STARD4: variants seen among roughly 807,000 people sequenced by gnomAD.
STARD4 encodes the protein stAR-related lipid transfer protein 4.
STARD4 carries 33 observed loss-of-function variants against 24.9 expected under a neutral mutation model. The observed-to-expected ratio is 1.32, with a 90% CI of 1.00 to 1.77. The LOEUF (loss-of-function observed/expected upper bound fraction) is 1.77. STARD4 is among the 40% of genes most tolerant of loss of function. STARD4 has a pLI of 0.00. For missense variants in STARD4, 238 were observed against 249.3 expected, an observed-to-expected ratio of 0.95 and a Z score of 0.31; for synonymous variants, 88 against 77.4, an observed-to-expected ratio of 1.14 and a Z score of -0.72.
At chr5:111,503,530 G>A (rs1005357477) in intron 3 of STARD4, among the ~76,000 whole-genome samples, 5 of 152,172 alleles carry the variant, frequency 3.3e-5, no homozygotes, top group African/African-American at 1.2e-4. Flanking sequence ...TTCGGAGGCT[G>A]AGGCAGGAGA....
rs1323611291 is a variant in STARD4, at chr5:111,507,748, G to C, written c.-9-306C>G. Among the ~76,000 whole-genome samples, 2 of 152,056 alleles carry C rather than the reference G, an allele frequency of 1.3e-5. No individual in the cohort carries two copies. Among genetic ancestry groups the C allele is most frequent in the Non-Finnish European group, 2.9e-5 (2 of 67,974 alleles). On this transcript the variant is annotated intron_variant, in intron 1 of 5. Coordinates refer to ENST00000296632, the MANE Select transcript of STARD4 (RefSeq NM_139164.3). This position sits in a 1 kb window ranked among gnomAD's most constrained non-coding sequence, Gnocchi z 4.4. ...GGGAAGCAATTGTATCTCATATATA[G>C]ATATGCTGTTAACTCTCAAACATTT...
At position 111,507,477 on chromosome 5, in the gene STARD4, C is replaced by T. The variant is rs760370754; in HGVS notation, c.-9-35G>A. ...AGACCAAGATTAGCATCAGCAAATA[C>T]CACAGTTTGAGGCAATAGGCCAGTG... On this transcript the variant is annotated intron_variant, in intron 1 of 5. Coordinates refer to ENST00000296632, the MANE Select transcript of STARD4 (RefSeq NM_139164.3). The surrounding 1 kb of genome is among the most constrained non-coding windows in gnomAD (Gnocchi z 4.4). 1 of 1,561,698 alleles carries T rather than the reference C, an allele frequency of 6.4e-7. No individual in the cohort carries two copies. Among genetic ancestry groups the T allele is most frequent in the Non-Finnish European group, 8.8e-7 (1 of 1,139,802 alleles).
At position 111,501,116 on chromosome 5, in the gene STARD4, T is replaced by G. The variant is rs1463499415; in HGVS notation, c.283A>C (p.Asn95His). ...SLDILENFEE[N>H]CCVMRYTTAG... ...GTAGTGTAACGCATCACACAGCAAT[T>G]CTGAAAAAGAAGAGATAAGACAAGT... is the stretch of plus-strand genomic sequence containing the variant. Residue 95 changes from asparagine to histidine, a missense_variant and splice_region_variant, in exon 5 of 6, where the codon AAT (asparagine) becomes CAT (histidine). Physicochemically the swap from Asn to His is moderately conservative, Grantham distance 68 (BLOSUM62 1). Coordinates refer to ENST00000296632, the MANE Select transcript of STARD4 (RefSeq NM_139164.3). The G allele has an allele frequency of 6.3e-7, 1 of 1,587,660 alleles. No individual in the cohort carries two copies. Among genetic ancestry groups the G allele is most frequent in the East Asian group, 2.2e-5 (1 of 44,608 alleles).
intron 1 of STARD4, among the ~76,000 whole-genome samples, chr5:111,508,684 C>T (rs377617468): frequency 5.3e-5 from 8 of 152,052 alleles, no homozygotes; most frequent in South Asian, 2.1e-4. Context: ...TACTAGTTGT[C>T]GCTGCTTTTA....
At position 111,501,965 on chromosome 5, in the gene STARD4, T is replaced by G; in HGVS notation, c.279A>C (p.Glu93Asp). 6.2e-7 allele frequency: 1 copy of G among 1,614,040 alleles called. No individual in the cohort carries two copies. Among genetic ancestry groups the G allele is most frequent in the South Asian group, 1.1e-5 (1 of 91,076 alleles). Residue 93 changes from glutamate (E) to aspartate (D), a missense_variant, in exon 4 of 6, where the codon GAA becomes GAC. Physicochemically the swap from Glu to Asp is conservative, Grantham distance 45. Coordinates refer to ENST00000296632, the MANE Select transcript of STARD4 (RefSeq NM_139164.3). ...MTSLDILENF[E>D]ENCCVMRYTT... ...AGTAATGTTTCTAAATAGATACCTC[T>G]TCAAAGTTCTCCAGAATATCCAAAG...
chr5:111,508,711 G>A (rs1428401959), intron 1 of STARD4, among the ~76,000 whole-genome samples: 1 of 152,100 alleles, frequency 6.6e-6, no homozygotes, highest in Non-Finnish European at 1.5e-5. Flanking sequence ...AGATTTTAGG[G>A]CCCAGTGCCA....
intron 3 of STARD4, among the ~76,000 whole-genome samples, chr5:111,502,970 C>T (rs779893097): frequency 9.2e-5 from 14 of 152,124 alleles, no homozygotes; most frequent in Non-Finnish European, 1.8e-4. Context: ...AATAAAGTCC[C>T]TTCATGTAAT....
Position 111,498,096 on chromosome 5 carries a change from T to G in STARD4, c.*1790A>C, listed in dbSNP as rs1190786447. ...TGTAAATTATATATCAATAAAGCTG[T>G]TTTTGTTTTTTTAAAGTACACAGCT... On this transcript the variant is annotated 3_prime_UTR_variant, in exon 6 of 6. Transcript: ENST00000296632. 1.3e-5 allele frequency: 2 copies of G among 152,060 alleles called. No homozygotes were observed. The highest frequency in any genetic ancestry group is 4.8e-5 in the African/African-American group (2 of 41,506). The allele number at this position is 152,060 out of a possible 1,614,324, so 9.4% of individuals were successfully genotyped here.
At chr5:111,506,459 T>C (rs1481751372) in intron 2 of STARD4, 80 bp from the exon 3 acceptor site, 8 of 592,342 alleles carry the variant, frequency 1.4e-5, no homozygotes, top group African/African-American at 1.9e-5. Context: ...TATAAGTCTA[T>C]AGAATTTGTC....
chr5:111,509,490 G>A (rs1489605885), intron 1 of STARD4, among the ~76,000 whole-genome samples: 1 of 152,034 alleles, frequency 6.6e-6, no homozygotes, highest in Non-Finnish European at 1.5e-5. Context: ...ATAGCTTACA[G>A]GCCCTTTTAT....
chr5:111,511,411 C>T (rs1757266694), intron 1 of STARD4, among the ~76,000 whole-genome samples: 1 of 152,174 alleles, frequency 6.6e-6, no homozygotes, highest in African/African-American at 2.4e-5. Flanking sequence ...TTAATCCTCA[C>T]AACAGTAATA....
chr5:111,499,076 A>AT lies in STARD4; in HGVS notation c.*809dup, dbSNP rs1756255346. On this transcript the variant is annotated 3_prime_UTR_variant, in exon 6 of 6. Transcript: ENST00000296632. ...CAACTAACATTAAACACGGAAATGG[A>AT]TTTCGAGATGTGTGCATGTACACAA... 1 of 152,224 alleles carries AT rather than the reference A, an allele frequency of 6.6e-6. No individual in the cohort carries two copies. Among genetic ancestry groups the AT allele is most frequent in the South Asian group, 2.1e-4 (1 of 4,834 alleles). The allele number at this position is 152,224 out of a possible 1,614,324, so 9.4% of individuals were successfully genotyped here.
chr5:111,503,365 T>C (rs1415562475), intron 3 of STARD4, among the ~76,000 whole-genome samples: 1 of 152,192 alleles, frequency 6.6e-6, no homozygotes, highest in Admixed American at 6.5e-5. Flanking sequence ...GCGCGGTGGC[T>C]CATGCCTGTA....
rs985783196 is a variant in STARD4, at chr5:111,497,558, C to T, written c.*2328G>A. 2 of 151,880 alleles carry T rather than the reference C, an allele frequency of 1.3e-5. No individual in the cohort carries two copies. The highest frequency in any genetic ancestry group is 2.4e-5 in the African/African-American group (1 of 41,386). The allele number at this position is 151,880 out of a possible 1,614,324, so 9.4% of individuals were successfully genotyped here. A position where few individuals can be genotyped will look rare whatever the true frequency, so the allele number is the denominator to read the frequency against. On this transcript the variant is annotated 3_prime_UTR_variant, in exon 6 of 6. Transcript: ENST00000296632. ...AAACTATCAGAATAAATCTTTACAT[C>T]AATTACATGTTAAAATGATAACATT...
intron 5 of STARD4, 157 bp from the exon 6 acceptor site, chr5:111,500,263 T>C (rs1756335153): frequency 7.4e-7 from 1 of 1,351,566 alleles, no homozygotes; most frequent in Non-Finnish European, 9.5e-7. Context: ...AAAAAGAGAC[T>C]TACCAAGGAG....
intron 1 of STARD4, among the ~76,000 whole-genome samples, chr5:111,508,462 A>G (rs1386022830): frequency 2.0e-5 from 3 of 152,130 alleles, no homozygotes; most frequent in Non-Finnish European, 4.4e-5. Context: ...TCACTATTCT[A>G]TCTCTATTCC....
In STARD4 at chr5:111,507,820, GA is replaced by G. The variant is rs908762809; in HGVS notation, c.-9-379del. Among the ~76,000 whole-genome samples, 1 of 152,090 alleles carries G rather than the reference GA, an allele frequency of 6.6e-6. No homozygotes were observed. Among genetic ancestry groups the G allele is most frequent in the African/African-American group, 2.4e-5 (1 of 41,420 alleles). On this transcript the variant is annotated intron_variant, in intron 1 of 5. Transcript: ENST00000296632. This position sits in a 1 kb window ranked among gnomAD's most constrained non-coding sequence, Gnocchi z 4.4. ...AATGAGCTCAAAAATCCCAGATCCAGAAGCCTACTTAAAGCTTCAAGCCTAA... is the reference window on the plus strand; with the variant it reads ...AATGAGCTCAAAAATCCCAGATCCAGAGCCTACTTAAAGCTTCAAGCCTAA...
intron 2 of STARD4, 115 bp from the exon 3 acceptor site, chr5:111,506,494 A>G (rs1756874870): frequency 4.6e-6 from 2 of 438,210 alleles, no homozygotes; most frequent in Non-Finnish European, 8.2e-6. Flanking sequence ...AAACCAGTAC[A>G]TTTTCAGAAT....
intron 1 of STARD4, among the ~76,000 whole-genome samples, chr5:111,509,384 A>G (rs1757084995): frequency 6.6e-6 from 1 of 152,194 alleles, no homozygotes; most frequent in Admixed American, 6.5e-5. Flanking sequence ...AAAGTTACCT[A>G]GAAAGCTAGC....
Sources: gnomAD v4.1 joint callset for allele counts (sites outside exome capture counted in the v4.1 genomes callset) on GRCh38, gnomAD v4.1.1 for gene constraint, Gnocchi (gnomAD v3.1) non-coding constraint, MANE v1.5 for transcripts, NCBI Gene and HGNC (gene_info 2026-07-23, HGNC 2026-07-21) for gene names.